SASH1: variants seen among roughly 807,000 people sequenced by gnomAD.
The protein encoded by SASH1 is SAM and SH3 domain containing 1, also known as SAM and SH3 domain-containing protein 1.
In SASH1, 44 loss-of-function variants were observed where a neutral mutation model predicts 125.2. The ratio of observed to expected loss-of-function variants is 0.35; its 90% CI spans 0.28 to 0.45. SASH1 has a LOEUF of 0.45. Among genes scored for constraint, SASH1 ranks in the 20% least tolerant of loss-of-function variants. SASH1 has a pLI of 1.00. For synonymous variants in SASH1, 639 were observed against 649.1 expected, an observed-to-expected ratio of 0.98 and a Z score of 0.24; for missense variants, 1,426 against 1,614.5, an observed-to-expected ratio of 0.88 and a Z score of 2.00.
intron 7 of SASH1, among the ~76,000 whole-genome samples, chr6:148,487,064 AC>A (rs1778897712): frequency 1.6e-5 from 2 of 128,544 alleles, no homozygotes; most frequent in African/African-American, 2.8e-5. Flanking sequence ...TATGTAAAAA[AC>A]AAATATATAT....
chr6:148,415,854 A>G (rs1261103204), intron 2 of SASH1, among the ~76,000 whole-genome samples: 1 of 152,240 alleles, frequency 6.6e-6, no homozygotes, highest in African/African-American at 2.4e-5. Flanking sequence ...CCACTCATTC[A>G]GAGGATTCCC....
At chr6:148,316,490 T>C (rs1301135195) in intron 1 of SASH1, among the ~76,000 whole-genome samples, 1 of 152,258 alleles carries the variant, frequency 6.6e-6, no homozygotes, top group Admixed American at 6.5e-5. Context: ...CACACTGTTA[T>C]TGACTTCGAA....
chr6:148,295,272 C>T (rs1171420567), intron 1 of SASH1, among the ~76,000 whole-genome samples: 1 of 152,126 alleles, frequency 6.6e-6, no homozygotes, highest in Non-Finnish European at 1.5e-5. Context: ...TGGGCAGGCT[C>T]ATTACAGAGG....
At chr6:148,205,909 A>T in the SASH1 span, among the ~76,000 whole-genome samples, 1 of 152,124 alleles carries the variant, frequency 6.6e-6, no homozygotes. Context: ...GGTGCAGCTG[A>T]GCGAGCTCTA....
intron 2 of SASH1, among the ~76,000 whole-genome samples, chr6:148,429,207 A>C (rs1775952426): frequency 6.6e-6 from 1 of 152,092 alleles, no homozygotes; most frequent in African/African-American, 2.4e-5. Flanking sequence ...CATCCCATGC[A>C]GTAAAATTGC....
chr6:148,289,907 G>C (rs1006643363), intron 1 of SASH1, among the ~76,000 whole-genome samples: 1 of 122,488 alleles, frequency 8.2e-6, no homozygotes, highest in African/African-American at 3.1e-5. Flanking sequence ...TCACTCTGTA[G>C]CCCAGGCTGG....
At chr6:148,493,323 T>A (rs921865256) in intron 8 of SASH1, among the ~76,000 whole-genome samples, 2 of 152,208 alleles carry the variant, frequency 1.3e-5, no homozygotes, top group African/African-American at 2.4e-5. Flanking sequence ...TTATGAAGAG[T>A]TGGCCAGAAA....
At chr6:148,369,466 G>A (rs758217161) in intron 1 of SASH1, among the ~76,000 whole-genome samples, 32 of 152,250 alleles carry the variant, frequency 2.1e-4, no homozygotes, top group Non-Finnish European at 4.6e-4. Context: ...AAGAGTAATC[G>A]TTATGGAGTT....
rs1224703634 is a variant in SASH1, at chr6:148,390,265, G to C, written c.285+3G>C. ...GGGTTTCCCAGGACCTGGAAGTGGT[G>C]AGTGGGGGTCCTGGGAATATGCTTC... On this transcript the variant is annotated splice_donor_region_variant and intron_variant, in intron 2 of 19. Transcript: ENST00000367467. 1 of 1,610,456 alleles carries C rather than the reference G, an allele frequency of 6.2e-7. No individual in the cohort carries two copies. The highest frequency in any genetic ancestry group is 2.2e-5 in the East Asian group (1 of 44,802).
intron 4 of SASH1, among the ~76,000 whole-genome samples, chr6:148,447,505 G>C (rs1423728780): frequency 2.6e-5 from 4 of 152,110 alleles, no homozygotes; most frequent in Non-Finnish European, 4.4e-5. Context: ...TCTGACTGCA[G>C]GGAAGAAGTC....
At chr6:148,462,335 G>A (rs1178789460) in intron 4 of SASH1, among the ~76,000 whole-genome samples, 2 of 148,512 alleles carry the variant, frequency 1.3e-5, no homozygotes, top group African/African-American at 5.0e-5. Context: ...TGAAGTTTCT[G>A]GACAGCTCAT....
upstream of SASH1, among the ~76,000 whole-genome samples, chr6:148,340,241 T>C (rs1404484280): frequency 6.6e-6 from 1 of 152,008 alleles, no homozygotes; most frequent in East Asian, 1.9e-4. Flanking sequence ...TCCCAGCACT[T>C]TGGGAGGCTG....
chr6:148,206,722 G>A, the SASH1 span, among the ~76,000 whole-genome samples: 1 of 151,400 alleles, frequency 6.6e-6, no homozygotes, highest in African/African-American at 2.4e-5. Context: ...CCTGGGAGGT[G>A]GAGGTTGCAG....
intron 1 of SASH1, among the ~76,000 whole-genome samples, chr6:148,326,540 G>C (rs4307190): frequency 0.53 from 77,851 of 146,970 alleles, 21,026 homozygotes; most frequent in Middle Eastern, 0.71. Flanking sequence ...GAGTAGCTGG[G>C]ATTACAGCCA....
chr6:148,218,451 C>T, the SASH1 span, among the ~76,000 whole-genome samples: 28 of 152,284 alleles, frequency 1.8e-4, no homozygotes, highest in Admixed American at 1.8e-3. Flanking sequence ...TGTTGAATGG[C>T]ACAAATCTAC....
chr6:148,456,946 C>T (rs757411866), intron 4 of SASH1, among the ~76,000 whole-genome samples: 1 of 149,592 alleles, frequency 6.7e-6, no homozygotes, highest in Non-Finnish European at 1.5e-5. Context: ...TGCTTAAGCT[C>T]ATAAGAAATT....
At chr6:148,315,062 A>G (rs1780445506) in intron 1 of SASH1, among the ~76,000 whole-genome samples, 1 of 152,120 alleles carries the variant, frequency 6.6e-6, no homozygotes, top group South Asian at 2.1e-4. Context: ...TCAGCCCCGT[A>G]TAAATGATTT....
At chr6:148,456,888 T>TAATAATAATAATAAC (rs1777380843) in intron 4 of SASH1, among the ~76,000 whole-genome samples, 1 of 148,960 alleles carries the variant, frequency 6.7e-6, no homozygotes, top group Non-Finnish European at 1.5e-5. Context: ...ATAATAATAA[T>TAATAATAATAATAAC]AATAATAATA....
rs562150735 is a variant in SASH1 at position 148,415,171 on chromosome 6, A to G, written c.285+24909A>G. 9.8e-5 allele frequency among the ~76,000 whole-genome samples: 15 copies of G among 152,330 alleles called. No individual in the cohort carries two copies. In the South Asian group the frequency reaches 3.1e-3, roughly 32 times the overall value. On this transcript the variant is annotated intron_variant, in intron 2 of 19. Coordinates refer to ENST00000367467, the MANE Select transcript of SASH1 (RefSeq NM_015278.5). ...TTGTATTGAGTATTTTTAATTTGAG[A>G]GAAAAAATTAATTAGTGCTATTGGT...
Sources: gnomAD v4.1 joint callset for allele counts (sites outside exome capture counted in the v4.1 genomes callset) on GRCh38, gnomAD v4.1.1 for gene constraint, MANE v1.5 for transcripts, NCBI Gene and HGNC (gene_info 2026-07-23, HGNC 2026-07-21) for gene names.